CYP4F3: variants seen among roughly 807,000 people sequenced by gnomAD.
The protein encoded by CYP4F3 is cytochrome P450 family 4 subfamily F member 3, also known as cytochrome P450 4F3.
CYP4F3 carries 50 observed loss-of-function variants against 54.8 expected under a neutral mutation model. That is an observed-to-expected ratio of 0.91 (90% CI 0.73 to 1.16). The LOEUF (loss-of-function observed/expected upper bound fraction) is 1.16. Among genes scored for constraint, CYP4F3 ranks in the 50% most tolerant of loss-of-function variants. The pLI is 0.00. For missense variants in CYP4F3, 715 were observed against 676.2 expected, an observed-to-expected ratio of 1.06 and a Z score of -0.64; for synonymous variants, 244 against 262.6, an observed-to-expected ratio of 0.93 and a Z score of 0.69.
chr19:15,646,181 A>C (rs538749062), intron 3 of CYP4F3, among the ~76,000 whole-genome samples: 2 of 152,328 alleles, frequency 1.3e-5, no homozygotes, highest in East Asian at 3.9e-4. Flanking sequence ...CATCTGGTAT[A>C]TCATTCCAAC....
At chr19:15,659,034 G>T (rs1261338883) in intron 12 of CYP4F3, among the ~76,000 whole-genome samples, 186 bp from the exon 13 acceptor site, 3 of 46,516 alleles carry the variant, frequency 6.4e-5, no homozygotes, top group Non-Finnish European at 1.1e-4. Context: ...GTCTAGGCTG[G>T]GGGGTTGGAG....
Position 15,659,409 on chromosome 19 carries a change from C to T in CYP4F3, c.*24C>T. 1 of 1,604,218 alleles carries T rather than the reference C, an allele frequency of 6.2e-7. No individual in the cohort carries two copies. Among genetic ancestry groups the T allele is most frequent in the Middle Eastern group, 1.7e-4 (1 of 5,994 alleles). On this transcript the variant is annotated 3_prime_UTR_variant, in exon 13 of 13. Transcript: ENST00000221307. ...GAGTTCTGCAGAGACCCACTCTGAC[C>T]CCACTAAAATGACCCCTGATTCATC...
chr19:15,649,365 A>G, intron 6 of CYP4F3, 84 bp downstream of exon 6: 1 of 1,599,368 alleles, frequency 6.3e-7, no homozygotes, highest in South Asian at 1.1e-5. Context: ...GAGCAGGGAA[A>G]TCAGACAAAC....
At position 15,650,080 on chromosome 19, in the gene CYP4F3, A is replaced by G; in HGVS notation, c.815A>G (p.Gln272Arg). ...CACGACTTCACAGATGCCGTCATCC[A>G]GGAGCGGCGCCGCACCCTCCCTAGC... ...LVHDFTDAVIQERRRTLPSQG... is the reference protein window; with the variant it reads ...LVHDFTDAVIRERRRTLPSQG... The change falls in exon 7 of 13, where the codon CAG becomes CGG. Residue 272 changes from glutamine to arginine, a missense_variant. Physicochemically the swap from Gln to Arg is conservative, Grantham distance 43 (BLOSUM62 1). Coordinates refer to ENST00000221307, the MANE Select transcript of CYP4F3 (RefSeq NM_000896.3). 1.2e-6 allele frequency: 2 copies of G among 1,614,228 alleles called. No individual in the cohort carries two copies. Among genetic ancestry groups the G allele is most frequent in the Non-Finnish European group, 1.7e-6 (2 of 1,180,040 alleles).
chr19:15,658,340 G>GTC lies in CYP4F3; in HGVS notation c.1197_1198dup (p.Arg400LeufsTer80). 6.2e-7 allele frequency: 1 copy of GTC among 1,614,104 alleles called. No homozygotes were observed. Among genetic ancestry groups the GTC allele is most frequent in the African/African-American group, 1.3e-5 (1 of 75,006 alleles). ...GAGGCTGCATCCCCCAGTCCCTGCC[G>GTC]TCTCTCGCTGCTGCACCCAAGACAT... On this transcript the variant is annotated frameshift_variant, in exon 10 of 13. Coordinates refer to ENST00000221307, the MANE Select transcript of CYP4F3 (RefSeq NM_000896.3). LOFTEE classifies it high-confidence loss of function.
Position 15,661,079 on chromosome 19 carries a change from A to G in CYP4F3, c.*1694A>G, listed in dbSNP as rs1329195070. 6.6e-6 allele frequency: 1 copy of G among 152,026 alleles called. No individual in the cohort carries two copies. The highest frequency in any genetic ancestry group is 1.5e-5 in the Non-Finnish European group (1 of 68,006). The allele number at this position is 152,026 out of a possible 1,614,324, so 9.4% of individuals were successfully genotyped here. ...GCCATCTCATTCTAACAGCAATGAG[A>G]ACTTAGGCTCCCCTCTCTACTAAAA... is the stretch of plus-strand genomic sequence containing the variant. On this transcript the variant is annotated 3_prime_UTR_variant, in exon 13 of 13. Transcript: ENST00000221307.
Position 15,651,326 on chromosome 19 carries a change from T to G in CYP4F3, c.918+1143T>G, listed in dbSNP as rs1020406820. ...ATGTCTATGTCCATGTTTTTTTGTCTGTGTCTATGATTATGTCTATGTCAA... is the reference window on the plus strand; with the variant it reads ...ATGTCTATGTCCATGTTTTTTTGTCGGTGTCTATGATTATGTCTATGTCAA... On this transcript the variant is annotated intron_variant, in intron 7 of 12. Coordinates refer to ENST00000221307, the MANE Select transcript of CYP4F3 (RefSeq NM_000896.3). Among the ~76,000 whole-genome samples, 4 of 140,172 alleles carry G rather than the reference T, an allele frequency of 2.9e-5. 1 individual carries two copies. The highest frequency in any genetic ancestry group is 1.0e-4 in the African/African-American group (4 of 38,992). 92.0% of individuals were successfully genotyped at this position (140,172 alleles called of 152,430 possible).
chr19:15,652,538 T>TG (rs59790611), intron 7 of CYP4F3, 31 bp from the exon 8 acceptor site: 1 of 1,173,324 alleles, frequency 8.5e-7, no homozygotes, highest in Admixed American at 2.7e-5. Flanking sequence ...TTTATGGGGG[T>TG]GGGGGTGGGG....
chr19:15,645,895 A>C (rs1972611594), intron 3 of CYP4F3, 32 bp downstream of exon 3: 1 of 1,566,894 alleles, frequency 6.4e-7, no homozygotes, highest in African/African-American at 1.3e-5. Context: ...CCAGGTAGAC[A>C]CTGCACTGGC....
At chr19:15,645,031 A>G in intron 2 of CYP4F3, among the ~76,000 whole-genome samples, 1 of 152,178 alleles carries the variant, frequency 6.6e-6, no homozygotes, top group East Asian at 1.9e-4. Flanking sequence ...ACACAGTGTT[A>G]CTTCCTCTCT....
chr19:15,655,485 C>T (rs939449186), intron 9 of CYP4F3, among the ~76,000 whole-genome samples: 4 of 152,070 alleles, frequency 2.6e-5, no homozygotes, highest in East Asian at 1.9e-4. Context: ...CAAAATTATG[C>T]GTGTAGTTTA....
intron 5 of CYP4F3, 122 bp from the exon 6 acceptor site, chr19:15,649,038 A>C: frequency 1.4e-6 from 2 of 1,450,702 alleles, no homozygotes; most frequent in Non-Finnish European, 1.8e-6. Flanking sequence ...GCTCCCGGGT[A>C]AAGGGTCCCT....
intron 8 of CYP4F3, 82 bp from the exon 9 acceptor site, chr19:15,652,741 T>C (rs1972894893): frequency 2.5e-6 from 4 of 1,604,136 alleles, no homozygotes; most frequent in Admixed American, 3.4e-5. Flanking sequence ...CCATCCTCCC[T>C]GAGGTCCTCA....
rs181839305 is a variant in CYP4F3, at chr19:15,657,353, A to G, written c.1116-911A>G. 9.5e-4 allele frequency among the ~76,000 whole-genome samples: 144 copies of G among 152,260 alleles called. 2 individuals are homozygous for G. Among genetic ancestry groups the G allele is most frequent in the Admixed American group, 4.8e-3 (74 of 15,296 alleles). ...CTCTTGTTGCCCAGGCTGGAGTGCA[A>G]TGGTGTGATCTCAGCTTACTGCAGT... On this transcript the variant is annotated intron_variant, in intron 9 of 12. Coordinates refer to ENST00000221307, the MANE Select transcript of CYP4F3 (RefSeq NM_000896.3).
At position 15,662,797 on chromosome 19, in the gene CYP4F3, C is replaced by A. The variant is rs1568407125; in HGVS notation, c.*3412C>A. Reference sequence around the variant, plus strand: ...TGAGAATTTAATTTTTTCTGGTGTACAATGCTAATAAAATGGTGCTTTAAA... The same window carrying A: ...TGAGAATTTAATTTTTTCTGGTGTAAAATGCTAATAAAATGGTGCTTTAAA... On this transcript the variant is annotated 3_prime_UTR_variant, in exon 13 of 13. Transcript: ENST00000221307. 1.3e-5 allele frequency: 2 copies of A among 152,084 alleles called. No homozygotes were observed. The highest frequency in any genetic ancestry group is 2.4e-5 in the African/African-American group (1 of 41,408). The allele number at this position is 152,084 out of a possible 1,614,324, so 9.4% of individuals were successfully genotyped here.
Position 15,652,894 on chromosome 19 carries a change from C to T in CYP4F3, c.1057C>T (p.Arg353Cys), listed in dbSNP as rs748123808. 1.3e-5 allele frequency: 21 copies of T among 1,613,746 alleles called. No individual in the cohort carries two copies. Among genetic ancestry groups the T allele is most frequent in the South Asian group, 7.7e-5 (7 of 91,080 alleles). Residue 353 changes from arginine (R) to cysteine (C), a missense_variant, in exon 9 of 13, where the codon CGC (arginine) becomes TGC (cysteine). Arg to Cys is a radical substitution (Grantham distance 180, BLOSUM62 -3). Transcript: ENST00000221307. ...HLAKHPEYQE[R>C]CRQEVQELLK... ...TGCAAAGCACCCGGAATACCAGGAG[C>T]GCTGTCGGCAGGAGGTGCAAGAGCT...
At position 15,662,282 on chromosome 19, in the gene CYP4F3, A is replaced by AAAAAAAAAAAAAAAAAAAAAAC. The variant is rs1265756163; in HGVS notation, c.*2907_*2908insAAAAAAAAAAACAAAAAAAAAA. On this transcript the variant is annotated 3_prime_UTR_variant, in exon 13 of 13. Coordinates refer to ENST00000221307, the MANE Select transcript of CYP4F3 (RefSeq NM_000896.3). ...CTAGATTCTCTCTCTCAAAAAAAAAAAAAAAAAAAAGGAAAGAAAGAAAGA... is the reference window on the plus strand; with the variant it reads ...CTAGATTCTCTCTCTCAAAAAAAAAAAAAAAAAAAAAAAAAAAAAAACAAAAAAAAAAGGAAAGAAAGAAAGA... 1 of 148,876 alleles carries AAAAAAAAAAAAAAAAAAAAAAC rather than the reference A, an allele frequency of 6.7e-6. No individual in the cohort carries two copies. The highest frequency in any genetic ancestry group is 2.5e-5 in the African/African-American group (1 of 39,900). The allele number at this position is 148,876 out of a possible 1,614,324, so 9.2% of individuals were successfully genotyped here. A position where few individuals can be genotyped will look rare whatever the true frequency, so the allele number is the denominator to read the frequency against.
Position 15,661,669 on chromosome 19 carries a change from T to C in CYP4F3, c.*2284T>C, listed in dbSNP as rs1973186944. 6.6e-6 allele frequency: 1 copy of C among 152,246 alleles called. No individual in the cohort carries two copies. Among genetic ancestry groups the C allele is most frequent in the Non-Finnish European group, 1.5e-5 (1 of 68,040 alleles). The allele number at this position is 152,246 out of a possible 1,614,324, so 9.4% of individuals were successfully genotyped here. A position where few individuals can be genotyped will look rare whatever the true frequency, so the allele number is the denominator to read the frequency against. On this transcript the variant is annotated 3_prime_UTR_variant, in exon 13 of 13. Transcript: ENST00000221307. ...TACAAGTCCTTTGTCAGTCGTGTGA[T>C]TTGCAAGTCTTCTTCCTAGTCTCTG... is the stretch of plus-strand genomic sequence containing the variant.
At chr19:15,654,378 G>A (rs1034712301) in intron 9 of CYP4F3, among the ~76,000 whole-genome samples, 2 of 151,988 alleles carry the variant, frequency 1.3e-5, no homozygotes, top group Non-Finnish European at 2.9e-5. Context: ...TTTTCTTTAT[G>A]CTAGAAACAT....
Sources: allele counts gnomAD v4.1 joint callset (sites outside exome capture counted in the v4.1 genomes callset), GRCh38; gene constraint gnomAD v4.1.1; transcripts MANE v1.5; gene names NCBI Gene and HGNC (gene_info 2026-07-23, HGNC 2026-07-21).